Variants in ZNF568 observed in about 807,000 individuals in gnomAD.
The protein encoded by ZNF568 is p53 inhibitor of SCO2 activation.
ZNF568 carries 11 observed loss-of-function variants against 18.1 expected under a neutral mutation model. The observed-to-expected ratio is 0.61, with a 90% CI of 0.38 to 1.00. The LOEUF (loss-of-function observed/expected upper bound fraction) is 1.00. Ranked by LOEUF, ZNF568 falls within the 50% of genes least tolerant of loss-of-function variation. The pLI, the probability that ZNF568 is intolerant of heterozygous loss-of-function variation, is 0.01. For missense variants in ZNF568, 639 were observed against 768.2 expected, an observed-to-expected ratio of 0.83 and a Z score of 1.99; for synonymous variants, 213 against 246.6, an observed-to-expected ratio of 0.86 and a Z score of 1.28.
chr19:36,957,813 G>A (rs1227060053), intron 6 of ZNF568, among the ~76,000 whole-genome samples: 1 of 152,242 alleles, frequency 6.6e-6, no homozygotes, highest in African/African-American at 2.4e-5. Context: ...ATATAATTCA[G>A]TGGATTGGAG....
At chr19:36,959,791 A>G (rs2074134115) in intron 6 of ZNF568, among the ~76,000 whole-genome samples, 1 of 152,106 alleles carries the variant, frequency 6.6e-6, no homozygotes, top group Admixed American at 6.6e-5. Flanking sequence ...TTGTCAGTAT[A>G]TAGCTGCTCG....
intron 6 of ZNF568, 84 bp from the exon 7 acceptor site, chr19:36,949,428 C>T (rs918019351): frequency 7.3e-7 from 1 of 1,367,432 alleles, no homozygotes. Context: ...AGATTAAACC[C>T]CACATTAGCC....
At chr19:36,974,336 G>A in intron 6 of ZNF568, 5 of 1,184,816 alleles carry the variant, frequency 4.2e-6, no homozygotes, top group Non-Finnish European at 6.0e-6. Flanking sequence ...CAGTGCCTGG[G>A]GTGGGGCAGG....
intron 6 of ZNF568, among the ~76,000 whole-genome samples, chr19:36,948,674 T>TTTTTTTTTTTTTTTTTTTTTG: frequency 6.7e-6 from 1 of 148,172 alleles, no homozygotes; most frequent in Non-Finnish European, 1.5e-5. Flanking sequence ...TTTTTTTTTT[T>TTTTTTTTTTTTTTTTTTTTTG]TTTTTTTTTC....
At chr19:36,978,642 C>A (rs138321111) in intron 7 of ZNF568, among the ~76,000 whole-genome samples, 6 of 152,264 alleles carry the variant, frequency 3.9e-5, no homozygotes, top group African/African-American at 1.4e-4. Flanking sequence ...TGGGAGGCAA[C>A]GTATCCTGCT....
In ZNF568 at chr19:36,933,910, TGTTTTG is replaced by T. The variant is rs1568384467; in HGVS notation, c.136-2835_136-2830del. Reference sequence around the variant, plus strand: ...TTTCTTTTGGGTAGGTTTTTTTTTTTGTTTTGTTTTTTTGTTTTTTTTTTTTTTTTT... The same window carrying T: ...TTTCTTTTGGGTAGGTTTTTTTTTTTTTTTTTTGTTTTTTTTTTTTTTTTT... On this transcript the variant is annotated intron_variant, in intron 4 of 6. Coordinates refer to ENST00000333987, the MANE Select transcript of ZNF568 (RefSeq NM_198539.4). Among the ~76,000 whole-genome samples, 211 of 41,812 alleles carry T rather than the reference TGTTTTG, an allele frequency of 5.0e-3. 14 individuals carry two copies. The highest frequency in any genetic ancestry group is 0.016 in the African/African-American group (108 of 6,644). The allele number at this position is 41,812 out of a possible 152,430, so 27.4% of individuals were successfully genotyped here.
chr19:36,991,769 C>G, exon 4 of ZNF568: 1 of 1,577,376 alleles, frequency 6.3e-7, no homozygotes. Context: ...GATACTAAGC[C>G]AAATGTGATC....
intron 6 of ZNF568, among the ~76,000 whole-genome samples, chr19:36,961,634 C>T (rs71356029): frequency 2.6e-5 from 4 of 152,158 alleles, no homozygotes; most frequent in Non-Finnish European, 4.4e-5. Context: ...TCAAGCTATT[C>T]TGCATCAGCC....
At chr19:36,991,664 C>T in intron 3 of ZNF568, 1 of 1,050,444 alleles carries the variant, frequency 9.5e-7, no homozygotes, top group Non-Finnish European at 1.3e-6. Flanking sequence ...GACCCTTAAT[C>T]TACCTGCTCC....
chr19:36,973,405 G>A (rs1644647), intron 6 of ZNF568: 86,003 of 152,754 alleles, frequency 0.56, 25,081 homozygotes, highest in African/African-American at 0.69. Flanking sequence ...TTCACCGCTA[G>A]GGGAGGTCAG....
At chr19:36,935,515 G>A (rs943421548) in intron 4 of ZNF568, among the ~76,000 whole-genome samples, 4 of 150,102 alleles carry the variant, frequency 2.7e-5, no homozygotes, top group East Asian at 2.0e-4. Flanking sequence ...AGCCGAGATC[G>A]TGCCACTGTA....
intron 6 of ZNF568, among the ~76,000 whole-genome samples, chr19:36,939,929 A>G (rs1047965203): frequency 1.3e-5 from 2 of 152,308 alleles, no homozygotes; most frequent in Admixed American, 6.5e-5. Flanking sequence ...TGAAACAGGA[A>G]GTCCTCTATG....
intron 2 of ZNF568, among the ~76,000 whole-genome samples, chr19:36,918,301 A>G (rs185883569): frequency 1.3e-5 from 2 of 152,244 alleles, no homozygotes; most frequent in Admixed American, 6.5e-5. Flanking sequence ...TATTCTATAT[A>G]CAGTTCGTAT....
At chr19:36,920,058 G>T in intron 2 of ZNF568, among the ~76,000 whole-genome samples, 1 of 152,076 alleles carries the variant, frequency 6.6e-6, no homozygotes, top group East Asian at 1.9e-4. Flanking sequence ...TGTTATCATA[G>T]AATGTGATAG....
intron 4 of ZNF568, among the ~76,000 whole-genome samples, chr19:36,992,279 G>A (rs7252167): frequency 0.54 from 79,250 of 146,300 alleles, 21,833 homozygotes; most frequent in African/African-American, 0.62. Flanking sequence ...CAAGGCAGGC[G>A]GATTACGAGG....
exon 5 of ZNF568, chr19:36,996,685 C>G: frequency 6.5e-7 from 1 of 1,535,890 alleles, no homozygotes; most frequent in Non-Finnish European, 8.7e-7. Context: ...GATTAAGCAT[C>G]AGACGCTTCA....
At chr19:36,984,316 C>A (rs2074357261), downstream of ZNF568, among the ~76,000 whole-genome samples, 1 of 152,102 alleles carries the variant, frequency 6.6e-6, no homozygotes, top group Non-Finnish European at 1.5e-5. Context: ...TCATTATCTT[C>A]ATTTCATTTT....
chr19:36,960,462 C>G (rs530554194), intron 6 of ZNF568, among the ~76,000 whole-genome samples: 1 of 152,242 alleles, frequency 6.6e-6, no homozygotes, highest in East Asian at 1.9e-4. Context: ...AAGCTTCCCT[C>G]TTAACACTAC....
At chr19:36,946,807 C>G (rs2073974435) in intron 6 of ZNF568, among the ~76,000 whole-genome samples, 1 of 151,398 alleles carries the variant, frequency 6.6e-6, no homozygotes, top group Non-Finnish European at 1.5e-5. Flanking sequence ...CATGCTCCAC[C>G]ACACCCAACT....
Sources: gnomAD v4.1 joint callset for allele counts (sites outside exome capture counted in the v4.1 genomes callset) on GRCh38, gnomAD v4.1.1 for gene constraint, MANE v1.5 for transcripts, NCBI Gene and HGNC (gene_info 2026-07-23, HGNC 2026-07-21) for gene names.